The following AGPS variants were observed in gnomAD, a reference collection of about 807,000 sequenced individuals.
AGPS encodes alkylglycerone phosphate synthase.
Under a neutral mutation model 90.7 loss-of-function variants are expected in AGPS, and 26 were observed. The ratio of observed to expected loss-of-function variants is 0.29; its 90% confidence interval spans 0.21 to 0.40. The LOEUF is 0.40. AGPS is among the 10% of genes least tolerant of loss of function. The probability of loss-of-function intolerance (pLI) is 1.00; values close to 1 mark genes in which losing one functional copy is unlikely to be tolerated. For synonymous variants in AGPS, 294 were observed against 285.3 expected (o/e 1.03, Z -0.31); for missense variants, 540 against 816.1 (o/e 0.66, Z 4.12).
chr2:177,444,017 T>C (rs567435240), intron 7 of AGPS, among the ~76,000 whole-genome samples: 4 of 152,086 alleles, frequency 2.6e-5, no homozygotes, highest in African/African-American at 4.8e-5. Flanking sequence ...ATATATAAGG[T>C]ACCATCAGAT....
chr2:177,416,535 T>A (rs1685790117), intron 1 of AGPS, among the ~76,000 whole-genome samples: 1 of 152,100 alleles, frequency 6.6e-6, no homozygotes, highest in Admixed American at 6.5e-5. Flanking sequence ...TGTTTTGTTT[T>A]GTTTTTTTGA....
intron 3 of AGPS, 123 bp downstream of exon 3, chr2:177,434,540 G>T: frequency 1.3e-6 from 1 of 774,326 alleles, no homozygotes. Flanking sequence ...TTGTTATAAA[G>T]CCTATTAATT....
In AGPS at chr2:177,427,254, T is replaced by C. The variant is rs1026227444; in HGVS notation, c.350+6896T>C. On this transcript the variant is annotated intron_variant, in intron 2 of 19. Coordinates refer to ENST00000264167, the MANE Select transcript of AGPS (RefSeq NM_003659.4). The stretch of plus-strand genomic sequence containing the variant: ...GTCTGATTCTTCTCTCTTTTCTTCT[T>C]TATTAGTCTAGCTAGCAGTCTGCCT... Among the ~76,000 whole-genome samples, 3 of 152,184 alleles carry C rather than the reference T, an allele frequency of 2.0e-5. No homozygotes were observed. In the East Asian group the frequency reaches 5.8e-4, roughly 29 times the overall value.
At chr2:177,416,160 G>A (rs1045939684) in intron 1 of AGPS, among the ~76,000 whole-genome samples, 2 of 152,300 alleles carry the variant, frequency 1.3e-5, no homozygotes, top group African/African-American at 2.4e-5. Context: ...AGGAATAGTA[G>A]TGTGACAACC....
intron 7 of AGPS, among the ~76,000 whole-genome samples, chr2:177,442,891 A>G (rs965250960): frequency 2.0e-5 from 3 of 151,106 alleles, no homozygotes; most frequent in Non-Finnish European, 4.4e-5. Flanking sequence ...TCATCATTAC[A>G]TTTTACCCTT....
chr2:177,508,372 T>G (rs2105721018), intron 16 of AGPS, among the ~76,000 whole-genome samples: 1 of 152,318 alleles, frequency 6.6e-6, no homozygotes, highest in East Asian at 1.9e-4. Flanking sequence ...AAATGTTCTC[T>G]AAAAAGTCCT....
Position 177,393,004 on chromosome 2 carries a change from C to G in AGPS, c.215C>G (p.Thr72Arg), listed in dbSNP as rs1559027397. The change falls in exon 1 of 20, where the codon ACG becomes AGG. Residue 72 changes from threonine to arginine, a missense_variant. By Grantham distance (71) the Thr-to-Arg change is moderately conservative. This residue lies in a region of AGPS where 135 missense variants were observed against 124.0 expected (regional missense o/e 1.09). Transcript: ENST00000264167. ...GCGTCGGCGGCCACGGCAGCGCCCA[C>G]GGCCACTCCCGCCGCGCAGGAGTCG... ...RAASAATAAP[T>R]ATPAAQESGT... is the part of the protein sequence containing the mutation. The G allele has an allele frequency of 1.3e-6, 2 of 1,550,270 alleles. No individual in the cohort carries two copies. The highest frequency in any genetic ancestry group is 1.7e-4 in the Middle Eastern group (1 of 5,992).
At chr2:177,523,021 G>A in intron 18 of AGPS, among the ~76,000 whole-genome samples, 1 of 152,120 alleles carries the variant, frequency 6.6e-6, no homozygotes, top group Non-Finnish European at 1.5e-5. Context: ...TTTCCTACCT[G>A]TGTCCTCTAT....
chr2:177,456,156 G>A (rs1267840941), intron 8 of AGPS, among the ~76,000 whole-genome samples: 1 of 152,204 alleles, frequency 6.6e-6, no homozygotes, highest in Non-Finnish European at 1.5e-5. Flanking sequence ...TTATACTCCA[G>A]TTTGGGAGAC....
intron 10 of AGPS, among the ~76,000 whole-genome samples, chr2:177,472,773 T>C (rs949202700): frequency 2.0e-5 from 3 of 152,162 alleles, no homozygotes; most frequent in African/African-American, 7.2e-5. Flanking sequence ...TTCATTTCTA[T>C]AGGGTCTTTA....
intron 9 of AGPS, among the ~76,000 whole-genome samples, chr2:177,466,380 A>G (rs1687448669): frequency 2.0e-5 from 3 of 152,192 alleles, no homozygotes; most frequent in Non-Finnish European, 4.4e-5. Flanking sequence ...AATCCCGGAA[A>G]AAGCATCATA....
intron 2 of AGPS, among the ~76,000 whole-genome samples, chr2:177,434,069 C>T (rs1287983715): frequency 6.6e-6 from 1 of 152,154 alleles, no homozygotes; most frequent in Non-Finnish European, 1.5e-5. Context: ...AAACTGGAAA[C>T]TTATGAACTT....
intron 6 of AGPS, 80 bp from the exon 7 acceptor site, chr2:177,442,327 T>G: frequency 9.1e-7 from 1 of 1,096,806 alleles, no homozygotes; most frequent in Non-Finnish European, 1.4e-6. Flanking sequence ...TCTGTATACT[T>G]GATATGAGGG....
intron 8 of AGPS, among the ~76,000 whole-genome samples, chr2:177,456,126 A>G (rs1687102373): frequency 6.6e-6 from 1 of 152,186 alleles, no homozygotes; most frequent in South Asian, 2.1e-4. Context: ...TGGAGGCTGC[A>G]ATGAGCCATG....
chr2:177,489,146 G>A (rs1384697367), intron 11 of AGPS, among the ~76,000 whole-genome samples: 3 of 147,926 alleles, frequency 2.0e-5, no homozygotes, highest in African/African-American at 7.5e-5. Context: ...GTGCAGTGGT[G>A]CGATCTCGGC....
chr2:177,518,303 G>T (rs1455076633), intron 17 of AGPS, among the ~76,000 whole-genome samples: 1 of 152,074 alleles, frequency 6.6e-6, no homozygotes, highest in African/African-American at 2.4e-5. Context: ...AGGTGTGGTG[G>T]CAGGCGCCTG....
At chr2:177,455,518 T>G (rs1320876090) in intron 8 of AGPS, among the ~76,000 whole-genome samples, 1 of 152,082 alleles carries the variant, frequency 6.6e-6, no homozygotes, top group East Asian at 1.9e-4. Flanking sequence ...GGTCTTGAGC[T>G]CCTGGCATCA....
intron 11 of AGPS, 146 bp from the exon 12 acceptor site, chr2:177,493,002 A>G (rs997316230): frequency 1.9e-5 from 13 of 684,548 alleles, no homozygotes; most frequent in Non-Finnish European, 2.7e-5. Flanking sequence ...ATAAAAGTAT[A>G]TGAAAAGTTA....
chr2:177,535,189 A>T (rs1397088465), intron 19 of AGPS, among the ~76,000 whole-genome samples: 2 of 152,180 alleles, frequency 1.3e-5, no homozygotes, highest in East Asian at 3.9e-4. Flanking sequence ...AATAGGCTTT[A>T]TGTGGTATGT....
Sources: gnomAD v4.1 joint callset for allele counts (sites outside exome capture counted in the v4.1 genomes callset) on GRCh38, gnomAD v4.1.1 for gene constraint, gnomAD v4.1.1 regional missense constraint, MANE v1.5 for transcripts, NCBI Gene and HGNC (gene_info 2026-07-23, HGNC 2026-07-21) for gene names.